Variants in LRRC73 observed in about 807,000 individuals in gnomAD.
LRRC73 encodes the protein leucine rich repeat containing 73.
Under a neutral mutation model 26.4 loss-of-function variants are expected in LRRC73, and 16 were observed. The ratio of observed to expected loss-of-function variants is 0.61; its 90% confidence interval spans 0.41 to 0.92. The LOEUF is 0.92. Among genes scored for constraint, LRRC73 ranks in the 40% least tolerant of loss-of-function variants. LRRC73 has a pLI of 0.00. For synonymous variants in LRRC73, 210 were observed against 179.8 expected (o/e 1.17, Z -1.34); for missense variants, 344 against 416.3 (o/e 0.83, Z 1.51).
intron 1 of LRRC73, 134 bp downstream of exon 1, chr6:43,509,380 C>A: frequency 8.5e-7 from 1 of 1,176,652 alleles, no homozygotes; most frequent in Non-Finnish European, 1.2e-6. Context: ...AGGCATGGGC[C>A]GAGGCACGGT....
At chr6:43,509,663 G>A in exon 1 of LRRC73, 1 of 1,594,026 alleles carries the variant, frequency 6.3e-7, no homozygotes. Context: ...AGTCGCGGTC[G>A]CAGAGGCGGC....
chr6:43,509,528 G>A, exon 1 of LRRC73: 2 of 1,608,650 alleles, frequency 1.2e-6, no homozygotes, highest in Non-Finnish European at 1.7e-6. Context: ...GGGACTGGAT[G>A]GAGCGGTTGG....
At chr6:43,510,154 C>CGCG (rs914747735) in exon 1 of LRRC73, 28 of 178,074 alleles carry the variant, frequency 1.6e-4, no homozygotes, top group South Asian at 1.6e-4. Flanking sequence ...CCCTCGCGGT[C>CGCG]GCGGCGGCGG....
At chr6:43,508,797 G>A (rs1561850139) in exon 2 of LRRC73, 2 of 1,612,976 alleles carry the variant, frequency 1.2e-6, no homozygotes, top group Middle Eastern at 3.3e-4. Context: ...GGCCACAGAT[G>A]AGGTTGATGG....
At position 43,508,069 on chromosome 6, in the gene LRRC73, T is replaced by A. The variant is rs184037658; in HGVS notation, c.557-143A>T. On this transcript the variant is annotated intron_variant, in intron 3 of 5. Transcript: ENST00000372441. ...TTGGTGGTGGTCAGGAAGGGATCAT[T>A]GTGATTGGTGAGTGAAGGCACGAAG... The A allele has an allele frequency of 3.2e-4, 309 of 974,172 alleles. 2 individuals carry two copies. The African/African-American group carries it at 4.7e-3, about 15-fold the overall frequency. The allele number at this position is 974,172 out of a possible 1,614,324, so 60.3% of individuals were successfully genotyped here.
exon 4 of LRRC73, chr6:43,507,828 G>T: frequency 6.2e-7 from 1 of 1,613,556 alleles, no homozygotes; most frequent in Non-Finnish European, 8.5e-7. Context: ...CTTCCCACCT[G>T]AGCTGACTGG....
At chr6:43,509,614 G>A (rs941333070) in exon 1 of LRRC73, 5 of 1,605,934 alleles carry the variant, frequency 3.1e-6, no homozygotes, top group South Asian at 1.1e-5. Flanking sequence ...AGCTGCGCCA[G>A]GGACGTGGCC....
At chr6:43,510,189 C>G (rs942750816) in exon 1 of LRRC73, 3 of 164,632 alleles carry the variant, frequency 1.8e-5, no homozygotes, top group African/African-American at 7.2e-5. Flanking sequence ...GCGAGCGGCT[C>G]AAGGGCTTCG....
At chr6:43,509,709 C>T (rs1186550645) in exon 1 of LRRC73, 9 of 1,590,974 alleles carry the variant, frequency 5.7e-6, no homozygotes, top group Non-Finnish European at 7.7e-6. Context: ...GGCGTTGTCG[C>T]GAAGGCCGCG....
At chr6:43,507,744 C>T in intron 4 of LRRC73, 66 bp from the exon 5 acceptor site, 1 of 1,586,788 alleles carries the variant, frequency 6.3e-7, no homozygotes, top group Non-Finnish European at 8.6e-7. Flanking sequence ...CCTCAACCTG[C>T]CATGCCTTAG....
chr6:43,509,720 G>T lies in LRRC73; in HGVS notation c.66C>A (p.Cys22Ter). Reference sequence around the variant, plus strand: ...GCACGGCGTTGTCGCGAAGGCCGCGGCAGATGTCCCGCACCTCGGCGCCGG... The same window carrying T: ...GCACGGCGTTGTCGCGAAGGCCGCGTCAGATGTCCCGCACCTCGGCGCCGG... Residue 22 changes from cysteine to a stop codon, truncating the protein, a stop_gained, in exon 1 of 6, where the codon TGC (cysteine) becomes TGA (stop). Transcript: ENST00000372441. LOFTEE classifies it high-confidence loss of function. 1 of 1,591,488 alleles carries T rather than the reference G, an allele frequency of 6.3e-7. No individual in the cohort carries two copies. Among genetic ancestry groups the T allele is most frequent in the Non-Finnish European group, 8.5e-7 (1 of 1,175,822 alleles).
At chr6:43,510,153 T>G in exon 1 of LRRC73, 1 of 180,160 alleles carries the variant, frequency 5.6e-6, no homozygotes. Flanking sequence ...TCCCTCGCGG[T>G]CGCGGCGGCG....
Position 43,509,491 on chromosome 6 carries a change from CCCTTGCG to C in LRRC73, c.272+16_272+22del. 2 of 1,589,622 alleles carry C rather than the reference CCCTTGCG, an allele frequency of 1.3e-6. No individual in the cohort carries two copies. Among genetic ancestry groups the C allele is most frequent in the Non-Finnish European group, 1.7e-6 (2 of 1,166,732 alleles). ...ATGGAAGGGTGCAGTGCCCGGGACC[CCCTTGCG>C]AGGGGGCGCACTCACAAGAGGGACT... On this transcript the variant is annotated intron_variant, in intron 1 of 5. Transcript: ENST00000372441.
chr6:43,509,220 T>C (rs1167423119), intron 1 of LRRC73, among the ~76,000 whole-genome samples: 1 of 152,170 alleles, frequency 6.6e-6, no homozygotes, highest in African/African-American at 2.4e-5. Flanking sequence ...ATATTCCCCC[T>C]TGGGAACCAA....
exon 6 of LRRC73, chr6:43,507,289 C>T (rs1792520467): frequency 1.2e-6 from 2 of 1,613,886 alleles, no homozygotes; most frequent in African/African-American, 1.3e-5. Context: ...ACGTCATTAG[C>T]ACCATCTGAG....
exon 2 of LRRC73, chr6:43,508,910 T>C: frequency 6.2e-7 from 1 of 1,604,570 alleles, no homozygotes; most frequent in South Asian, 1.1e-5. Flanking sequence ...GTCAGGGGGC[T>C]CCCATGCAGG....
At chr6:43,509,302 G>A (rs575017306) in intron 1 of LRRC73, among the ~76,000 whole-genome samples, 1 of 152,350 alleles carries the variant, frequency 6.6e-6, no homozygotes, top group East Asian at 1.9e-4. Context: ...GTCAGGAACT[G>A]GTGGGTATCC....
intron 2 of LRRC73, 88 bp from the exon 3 acceptor site, chr6:43,508,508 C>T: frequency 6.3e-7 from 1 of 1,584,080 alleles, no homozygotes; most frequent in Non-Finnish European, 8.6e-7. Context: ...TCTGGGGTGT[C>T]CCTAGTGGCT....
chr6:43,508,546 G>A (rs1014217028), intron 2 of LRRC73, 126 bp from the exon 3 acceptor site: 35 of 1,463,974 alleles, frequency 2.4e-5, no homozygotes, highest in African/African-American at 5.6e-5. Flanking sequence ...CACCATAGAG[G>A]TCAAGAGCCA....
Sources: allele counts gnomAD v4.1 joint callset (sites outside exome capture counted in the v4.1 genomes callset), GRCh38; gene constraint gnomAD v4.1.1; transcripts MANE v1.5; gene names NCBI Gene and HGNC (gene_info 2026-07-23, HGNC 2026-07-21).